Variants in GALNT16 observed in about 807,000 individuals in gnomAD.
GALNT16 encodes UDP-GalNAc:polypeptide N-acetylgalactosaminyltransferase-like protein 1.
GALNT16 carries 40 observed loss-of-function variants against 76.1 expected under a neutral mutation model. The ratio of observed to expected loss-of-function variants is 0.53; its 90% CI spans 0.41 to 0.68. The LOEUF is 0.68. GALNT16 is among the 30% of genes least tolerant of loss of function. The pLI, the probability that GALNT16 is intolerant of heterozygous loss-of-function variation, is 0.00. For synonymous variants in GALNT16, 276 were observed against 285.2 expected (o/e 0.97, Z 0.32); for missense variants, 621 against 731.9 (o/e 0.85, Z 1.75).
At chr14:69,301,023 C>G (rs545213279) in intron 1 of GALNT16, among the ~76,000 whole-genome samples, 5 of 152,332 alleles carry the variant, frequency 3.3e-5, no homozygotes, top group Admixed American at 1.3e-4. Context: ...GAGTGCTGAG[C>G]TAATTCTATC....
chr14:69,348,130 G>C lies in GALNT16; in HGVS notation c.1539+128G>C, dbSNP rs756009523. 1.2e-5 allele frequency: 11 copies of C among 886,306 alleles called. No homozygotes were observed. The African/African-American group carries it at 1.7e-4, about 13-fold the overall frequency. 54.9% of individuals were successfully genotyped at this position (886,306 alleles called of 1,614,324 possible). On this transcript the variant is annotated intron_variant, in intron 14 of 14. Coordinates refer to ENST00000448469, the MANE Select transcript of GALNT16 (RefSeq NM_001168368.2). ...CTTCAGAGCGAGGATCTGTGGGGAGGGGGAGCAAAGTCTACATCTAGGTCA... is the reference window on the plus strand; with the variant it reads ...CTTCAGAGCGAGGATCTGTGGGGAGCGGGAGCAAAGTCTACATCTAGGTCA...
At chr14:69,374,942 G>A in the GALNT16 span, among the ~76,000 whole-genome samples, 8 of 152,112 alleles carry the variant, frequency 5.3e-5, no homozygotes, top group African/African-American at 1.9e-4. Flanking sequence ...TCACTCCTGC[G>A]GAAATGACAT....
At chr14:69,385,463 C>T in the GALNT16 span, among the ~76,000 whole-genome samples, 1 of 151,976 alleles carries the variant, frequency 6.6e-6, no homozygotes, top group Admixed American at 6.6e-5. Flanking sequence ...ATTTGCCTGT[C>T]CTCCCTTTTT....
chr14:69,340,477 C>A (rs1284679285), intron 11 of GALNT16, among the ~76,000 whole-genome samples: 1 of 139,034 alleles, frequency 7.2e-6, no homozygotes, highest in Non-Finnish European at 1.6e-5. Flanking sequence ...GGCTTTGGAA[C>A]CTTGTGGAAT....
In GALNT16 at chr14:69,347,192, C is replaced by T. The variant is rs376732233; in HGVS notation, c.1413+11C>T. 234 of 1,596,914 alleles carry T rather than the reference C, an allele frequency of 1.5e-4. No homozygotes were observed. Among genetic ancestry groups the T allele is most frequent in the Middle Eastern group, 3.6e-4 (2 of 5,550 alleles). ...CCGCAGCCCGCCCAGGTAAGGACCT[C>T]GGGTAGGAATGGGAGTGGGAGAGAG... On this transcript the variant is annotated intron_variant, in intron 13 of 14. Coordinates refer to ENST00000448469, the MANE Select transcript of GALNT16 (RefSeq NM_001168368.2).
At chr14:69,311,922 G>A (rs541541077) in intron 1 of GALNT16, among the ~76,000 whole-genome samples, 1 of 151,510 alleles carries the variant, frequency 6.6e-6, no homozygotes, top group African/African-American at 2.4e-5. Context: ...AATATGTTGG[G>A]GCAGGGGTGG....
chr14:69,313,826 C>G (rs1233070987), intron 1 of GALNT16, among the ~76,000 whole-genome samples: 3 of 124,682 alleles, frequency 2.4e-5, no homozygotes, highest in Non-Finnish European at 5.8e-5. Context: ...GTTGGCTCTG[C>G]TGATGGTGAA....
intron 1 of GALNT16, among the ~76,000 whole-genome samples, chr14:69,268,557 T>G (rs1279106483): frequency 1.3e-5 from 2 of 152,174 alleles, no homozygotes; most frequent in Non-Finnish European, 2.9e-5. Context: ...GAAGGCAGCA[T>G]CTATTCATTC....
chr14:69,365,848 A>G, the GALNT16 span, among the ~76,000 whole-genome samples: 1 of 152,230 alleles, frequency 6.6e-6, no homozygotes, highest in Non-Finnish European at 1.5e-5. Flanking sequence ...TCATTACTAC[A>G]TACCAAGCAG....
intron 1 of GALNT16, among the ~76,000 whole-genome samples, chr14:69,272,746 A>G (rs115118469): frequency 0.013 from 1,992 of 152,136 alleles, 51 homozygotes; most frequent in African/African-American, 0.045. Flanking sequence ...TCTATACTGT[A>G]TTTTTACTCT....
chr14:69,287,907 G>T (rs868267458), intron 1 of GALNT16, among the ~76,000 whole-genome samples: 2 of 152,160 alleles, frequency 1.3e-5, no homozygotes, highest in African/African-American at 2.4e-5. Context: ...CTGGGTATTT[G>T]GTGACTAATT....
chr14:69,266,187 G>A (rs1312471048), intron 1 of GALNT16, among the ~76,000 whole-genome samples: 1 of 152,126 alleles, frequency 6.6e-6, no homozygotes, highest in African/African-American at 2.4e-5. Flanking sequence ...ACCTGAATCA[G>A]CACCTTGCTT....
At chr14:69,364,326 T>G in the GALNT16 span, among the ~76,000 whole-genome samples, 361 of 152,298 alleles carry the variant, frequency 2.4e-3, 1 homozygote, top group African/African-American at 7.6e-3. This position sits in a 1 kb window ranked among gnomAD's most constrained non-coding sequence, Gnocchi z 4.2. Flanking sequence ...AGACACAGCA[T>G]TTGCAAGTGG....
At chr14:69,338,426 G>A (rs1250245211) in intron 9 of GALNT16, among the ~76,000 whole-genome samples, 1 of 152,192 alleles carries the variant, frequency 6.6e-6, no homozygotes, top group Admixed American at 6.5e-5. Context: ...AATGGGCCAC[G>A]GGGATCATGT....
intron 1 of GALNT16, among the ~76,000 whole-genome samples, chr14:69,276,458 G>A (rs8008082): frequency 0.19 from 29,204 of 152,054 alleles, 3,668 homozygotes; most frequent in East Asian, 0.6. Flanking sequence ...CGAGGTGGGC[G>A]GATCACGAGG....
intron 9 of GALNT16, among the ~76,000 whole-genome samples, chr14:69,335,629 G>A (rs1422449081): frequency 1.3e-5 from 2 of 152,170 alleles, no homozygotes; most frequent in East Asian, 3.9e-4. Flanking sequence ...AACTTGAAAG[G>A]TGAACCACAG....
intron 12 of GALNT16, among the ~76,000 whole-genome samples, chr14:69,342,417 A>AGAGGGAAGGT (rs2045500025): frequency 7.4e-6 from 1 of 134,424 alleles, no homozygotes; most frequent in East Asian, 2.7e-4. Context: ...AGGGTGAGGA[A>AGAGGGAAGGT]GAGGGAAGGT....
chr14:69,330,998 T>C (rs993813245), intron 6 of GALNT16, among the ~76,000 whole-genome samples: 13 of 152,234 alleles, frequency 8.5e-5, no homozygotes, highest in Non-Finnish European at 1.6e-4. Flanking sequence ...AGTAGTCCCA[T>C]TGGGAAGACT....
intron 1 of GALNT16, among the ~76,000 whole-genome samples, chr14:69,310,891 G>A (rs2045009017): frequency 1.3e-5 from 2 of 151,994 alleles, no homozygotes; most frequent in African/African-American, 4.8e-5. Context: ...CTCCAGCCGG[G>A]GTGACAGAAT....
Sources: gnomAD v4.1 joint callset for allele counts (sites outside exome capture counted in the v4.1 genomes callset) on GRCh38, gnomAD v4.1.1 for gene constraint, Gnocchi (gnomAD v3.1) non-coding constraint, MANE v1.5 for transcripts, NCBI Gene and HGNC (gene_info 2026-07-23, HGNC 2026-07-21) for gene names.